ELMO1: variants seen among roughly 807,000 people sequenced by gnomAD.
ELMO1 encodes engulfment and cell motility 1, also known as engulfment and cell motility protein 1.
A neutral mutation model predicts 98.9 loss-of-function variants in ELMO1; 26 were observed. That is an observed-to-expected ratio of 0.26 (90% CI 0.19 to 0.36). The LOEUF is 0.36. ELMO1 is among the 10% of genes least tolerant of loss of function. ELMO1 has a pLI of 1.00. For synonymous variants in ELMO1, 346 were observed against 346.0 expected (o/e 1.00, Z 0.00); for missense variants, 627 against 935.2 (o/e 0.67, Z 4.30).
At chr7:37,014,836 G>A (rs1048170716) in intron 15 of ELMO1, among the ~76,000 whole-genome samples, 1 of 152,016 alleles carries the variant, frequency 6.6e-6, no homozygotes, top group African/African-American at 2.4e-5. Flanking sequence ...GGTGGGAGCA[G>A]GCTTATAGCA....
chr7:37,309,215 A>G (rs529822718), intron 4 of ELMO1, among the ~76,000 whole-genome samples: 4 of 152,318 alleles, frequency 2.6e-5, no homozygotes, highest in South Asian at 4.1e-4. Context: ...CTTACATGGC[A>G]GCAGACAAGA....
intron 2 of ELMO1, among the ~76,000 whole-genome samples, chr7:37,337,221 T>TA (rs1348632736): frequency 6.6e-6 from 1 of 152,188 alleles, no homozygotes; most frequent in African/African-American, 2.4e-5. Context: ...TATGCAGCCA[T>TA]AAAAAATGAT....
At chr7:37,164,350 C>G (rs1789475582) in intron 13 of ELMO1, among the ~76,000 whole-genome samples, 1 of 152,050 alleles carries the variant, frequency 6.6e-6, no homozygotes, top group South Asian at 2.1e-4. Flanking sequence ...AATTAGATCC[C>G]ATTTGTCAAT....
intron 8 of ELMO1, 85 bp downstream of exon 8, chr7:37,233,010 C>A (rs1794266473): frequency 9.3e-6 from 11 of 1,187,074 alleles, no homozygotes; most frequent in East Asian, 2.5e-5. Context: ...AAAGGAAAGA[C>A]AATTATGAAA....
chr7:37,014,244 G>C (rs1793761467), intron 15 of ELMO1, among the ~76,000 whole-genome samples: 1 of 151,954 alleles, frequency 6.6e-6, no homozygotes, highest in Admixed American at 6.6e-5. Flanking sequence ...CCTTTTGTAA[G>C]TTATACCTCA....
intron 16 of ELMO1, among the ~76,000 whole-genome samples, chr7:36,996,897 G>C (rs547372800): frequency 1.3e-5 from 2 of 152,194 alleles, no homozygotes; most frequent in African/African-American, 4.8e-5. Flanking sequence ...GCTGCTAGAC[G>C]TAATAGACAT....
chr7:37,011,741 G>C (rs1793575155), intron 16 of ELMO1, among the ~76,000 whole-genome samples: 1 of 152,170 alleles, frequency 6.6e-6, no homozygotes, highest in South Asian at 2.1e-4. Flanking sequence ...ACATGAAAGA[G>C]CTGAAATGAT....
At chr7:37,311,088 CTT>C (rs767163809) in intron 4 of ELMO1, among the ~76,000 whole-genome samples, 1 of 151,948 alleles carries the variant, frequency 6.6e-6, no homozygotes, top group African/African-American at 2.4e-5. Context: ...TGAATCTTAA[CTT>C]TCTCTGAGGC....
chr7:37,225,909 T>C (rs1219495616), intron 8 of ELMO1, among the ~76,000 whole-genome samples: 1 of 151,964 alleles, frequency 6.6e-6, no homozygotes, highest in Non-Finnish European at 1.5e-5. Context: ...GCATAATGAC[T>C]GTTCTTAAAA....
At chr7:37,402,418 G>C (rs2131463932) in intron 1 of ELMO1, among the ~76,000 whole-genome samples, 1 of 152,238 alleles carries the variant, frequency 6.6e-6, no homozygotes, top group Admixed American at 6.5e-5. Context: ...GTAAAGGGGT[G>C]TTCACTTTTC....
intron 16 of ELMO1, among the ~76,000 whole-genome samples, chr7:36,992,051 T>C (rs1791913890): frequency 6.6e-6 from 1 of 152,210 alleles, no homozygotes; most frequent in Admixed American, 6.5e-5. Context: ...TTATAAAATA[T>C]GAGTCATTAA....
intron 16 of ELMO1, among the ~76,000 whole-genome samples, chr7:36,930,691 C>T (rs963024436): frequency 3.3e-5 from 5 of 152,070 alleles, no homozygotes; most frequent in African/African-American, 1.2e-4. Context: ...AGAAACACCT[C>T]ACTGATTTTT....
intron 16 of ELMO1, among the ~76,000 whole-genome samples, chr7:36,973,318 G>A (rs766610818): frequency 2.6e-5 from 4 of 152,168 alleles, no homozygotes; most frequent in Non-Finnish European, 4.4e-5. Context: ...TGCCAGTACA[G>A]GGAAAATTTT....
At chr7:36,960,595 C>A (rs1413394860) in intron 16 of ELMO1, among the ~76,000 whole-genome samples, 1 of 151,916 alleles carries the variant, frequency 6.6e-6, no homozygotes. Context: ...GAAGCAGCCC[C>A]CCATCCCCCC....
chr7:37,396,477 C>T (rs1803304576), intron 1 of ELMO1, among the ~76,000 whole-genome samples: 1 of 152,120 alleles, frequency 6.6e-6, no homozygotes, highest in African/African-American at 2.4e-5. Context: ...AATAAGATTG[C>T]TGAAGTAGAT....
At chr7:37,173,491 A>G (rs1156314305) in intron 13 of ELMO1, among the ~76,000 whole-genome samples, 2 of 152,248 alleles carry the variant, frequency 1.3e-5, no homozygotes, top group African/African-American at 4.8e-5. Context: ...AATTTATTTC[A>G]AATTAAGTAG....
chr7:36,903,012 T>C (rs143590747), intron 16 of ELMO1, among the ~76,000 whole-genome samples: 2 of 152,300 alleles, frequency 1.3e-5, no homozygotes, highest in African/African-American at 2.4e-5. Flanking sequence ...GATCATATCA[T>C]TCACCTGCTT....
intron 2 of ELMO1, among the ~76,000 whole-genome samples, chr7:37,318,760 T>C (rs1054230989): frequency 2.0e-5 from 3 of 152,182 alleles, no homozygotes; most frequent in Non-Finnish European, 2.9e-5. Context: ...GGCCCCTCCA[T>C]TCTTCCATCT....
chr7:37,397,857 G>A (rs1803364097), intron 1 of ELMO1, among the ~76,000 whole-genome samples: 1 of 152,176 alleles, frequency 6.6e-6, no homozygotes, highest in South Asian at 2.1e-4. Context: ...GCAGGAACAT[G>A]GATGGAGCTG....
Sources: allele counts gnomAD v4.1 joint callset (sites outside exome capture counted in the v4.1 genomes callset), GRCh38; gene constraint gnomAD v4.1.1; transcripts MANE v1.5; gene names NCBI Gene and HGNC (gene_info 2026-07-23, HGNC 2026-07-21).